Variants in MIS18BP1 observed in about 807,000 individuals in gnomAD.
The protein encoded by MIS18BP1 is mis18-binding protein 1.
In MIS18BP1, 72 loss-of-function variants were observed where a neutral mutation model predicts 116.1. The ratio of observed to expected loss-of-function variants is 0.62; its 90% confidence interval spans 0.51 to 0.75. MIS18BP1 has a LOEUF of 0.75. Ranked by LOEUF, MIS18BP1 falls within the 30% of genes least tolerant of loss-of-function variation. The pLI is 0.00. For missense variants in MIS18BP1, 1,363 were observed against 1,303.2 expected (o/e 1.05, Z -0.71); for synonymous variants, 386 against 427.0 (o/e 0.90, Z 1.18).
rs977209484 is a variant in MIS18BP1 at position 45,242,935 on chromosome 14, CA to C, written c.545-62del. On this transcript the variant is annotated intron_variant, in intron 2 of 16. Coordinates refer to ENST00000310806, the MANE Select transcript of MIS18BP1 (RefSeq NM_018353.5). Reference sequence around the variant, plus strand: ...ATTGTATTAGTCACTAAGAAAAAAACAGCTTTTAAAATTCTTGAAATAAAGA... The same window carrying C: ...ATTGTATTAGTCACTAAGAAAAAAACGCTTTTAAAATTCTTGAAATAAAGA... 4.0e-5 allele frequency: 45 copies of C among 1,135,596 alleles called. No individual in the cohort carries two copies. In the African/African-American group the frequency reaches 4.8e-4, roughly 12 times the overall value. 70.3% of individuals were successfully genotyped at this position (1,135,596 alleles called of 1,614,324 possible).
rs765033589 is a variant in MIS18BP1, at chr14:45,218,309, T to G, written c.2815A>C (p.Lys939Gln). The G allele has an allele frequency of 4.8e-5, 78 of 1,613,890 alleles. No homozygotes were observed. The highest frequency in any genetic ancestry group is 2.7e-4 in the East Asian group (12 of 44,874). Reference sequence around the variant, plus strand: ...TTTTGGCCTTTGGAATTGGCTGGCTTCTTCTTAGTGACATGTTTCTGGGAT... The same window carrying G: ...TTTTGGCCTTTGGAATTGGCTGGCTGCTTCTTAGTGACATGTTTCTGGGAT... Reference protein sequence around the residue: ...KGSQKHVTKKKPANSKGQNGK... With the variant: ...KGSQKHVTKKQPANSKGQNGK... The change falls in exon 12 of 17, where the codon AAG (lysine) becomes CAG (glutamine). Residue 939 changes from lysine (K) to glutamine (Q), a missense_variant. Coordinates refer to ENST00000310806, the MANE Select transcript of MIS18BP1 (RefSeq NM_018353.5).
chr14:45,244,184 T>C (rs1891665444), intron 2 of MIS18BP1, among the ~76,000 whole-genome samples: 2 of 152,198 alleles, frequency 1.3e-5, no homozygotes, highest in African/African-American at 4.8e-5. Flanking sequence ...ATCAGCTTAT[T>C]ACTTGCTACC....
chr14:45,221,752 A>G (rs913105960), intron 11 of MIS18BP1, among the ~76,000 whole-genome samples: 1 of 152,232 alleles, frequency 6.6e-6, no homozygotes, highest in African/African-American at 2.4e-5. Context: ...AATGTGAATC[A>G]TACGAATGAC....
Position 45,231,060 on chromosome 14 carries a change from T to C in MIS18BP1, c.1594+81A>G. ...TACTATACTATACACATTACTACTA[T>C]ACACATTATAAACCATAAACAATGT... On this transcript the variant is annotated intron_variant, in intron 8 of 16. Coordinates refer to ENST00000310806, the MANE Select transcript of MIS18BP1 (RefSeq NM_018353.5). The C allele has an allele frequency of 3.5e-6, 5 of 1,442,122 alleles. No individual in the cohort carries two copies. In the South Asian group the frequency reaches 4.0e-5, roughly 11 times the overall value. The allele number at this position is 1,442,122 out of a possible 1,614,324, so 89.3% of individuals were successfully genotyped here. A position where few individuals can be genotyped will look rare whatever the true frequency, so the allele number is the denominator to read the frequency against.
intron 8 of MIS18BP1, among the ~76,000 whole-genome samples, chr14:45,228,507 A>G (rs1891187560): frequency 6.6e-6 from 1 of 152,212 alleles, no homozygotes; most frequent in South Asian, 2.1e-4. Flanking sequence ...TTATGTTTCA[A>G]CTAGTTTATG....
In MIS18BP1 at chr14:45,204,158, A is replaced by G. The variant is rs886634594; in HGVS notation, c.3350T>C (p.Leu1117Ser). 1.1e-5 allele frequency: 17 copies of G among 1,611,696 alleles called. No homozygotes were observed. Among genetic ancestry groups the G allele is most frequent in the Middle Eastern group, 3.3e-4 (2 of 6,062 alleles). ...GKLFTNAVES[L>S]DEEEKDYYFS... ...ATAATAATCTTTCTCTTCTTCATCT[A>G]AAGATTCCACAGCATTAGTGAAAAG... is the stretch of plus-strand genomic sequence containing the variant. The change falls in exon 17 of 17, where the codon TTA becomes TCA. Residue 1117 changes from leucine to serine, a missense_variant. Coordinates refer to ENST00000310806, the MANE Select transcript of MIS18BP1 (RefSeq NM_018353.5).
chr14:45,223,065 CAAAAA>C (rs1220575905), intron 11 of MIS18BP1, among the ~76,000 whole-genome samples: 2 of 148,964 alleles, frequency 1.3e-5, no homozygotes, highest in African/African-American at 2.5e-5. Flanking sequence ...AGAGAAAAGA[CAAAAA>C]CAAAACAAAA....
At chr14:45,211,425 G>A (rs1400210035) in intron 13 of MIS18BP1, among the ~76,000 whole-genome samples, 1 of 152,192 alleles carries the variant, frequency 6.6e-6, no homozygotes, top group Non-Finnish European at 1.5e-5. Flanking sequence ...AAGATAAGCT[G>A]TTGGAGCAGA....
intron 11 of MIS18BP1, among the ~76,000 whole-genome samples, chr14:45,221,638 A>G (rs1363336195): frequency 6.6e-6 from 1 of 152,154 alleles, no homozygotes; most frequent in Non-Finnish European, 1.5e-5. Context: ...GATTTCAGCT[A>G]TTTTAAATCT....
At chr14:45,245,977 C>T (rs1891712352) in intron 2 of MIS18BP1, among the ~76,000 whole-genome samples, 2 of 152,186 alleles carry the variant, frequency 1.3e-5, no homozygotes, top group African/African-American at 4.8e-5. Flanking sequence ...TAGAGTCCAG[C>T]CATTTACCAT....
intron 1 of MIS18BP1, among the ~76,000 whole-genome samples, chr14:45,247,832 G>T (rs569318277): frequency 6.6e-6 from 1 of 152,162 alleles, no homozygotes; most frequent in Non-Finnish European, 1.5e-5. Context: ...GCAACTACAA[G>T]ATCTATTCTA....
Position 45,224,483 on chromosome 14 carries a change from T to C in MIS18BP1, c.2104A>G (p.Thr702Ala). The change falls in exon 11 of 17, where the codon ACA (threonine) becomes GCA (alanine). Residue 702 changes from threonine to alanine, a missense_variant. Coordinates refer to ENST00000310806, the MANE Select transcript of MIS18BP1 (RefSeq NM_018353.5). ...ISKSMGTLENTFEGHKSKNKE... is the reference protein window; with the variant it reads ...ISKSMGTLENAFEGHKSKNKE... ...TTTTTACTTTTATGACCTTCAAATGTATTTTCTAAAGTCCCCATGGACTTG... is the reference window on the plus strand; with the variant it reads ...TTTTTACTTTTATGACCTTCAAATGCATTTTCTAAAGTCCCCATGGACTTG... 6.2e-7 allele frequency: 1 copy of C among 1,613,872 alleles called. No homozygotes were observed. The highest frequency in any genetic ancestry group is 8.5e-7 in the Non-Finnish European group (1 of 1,179,944).
chr14:45,249,825 C>T (rs898362952), intron 1 of MIS18BP1, among the ~76,000 whole-genome samples: 6 of 152,098 alleles, frequency 3.9e-5, no homozygotes, highest in Non-Finnish European at 7.4e-5. Flanking sequence ...GAGCTGAGAT[C>T]GCACCACCAC....
At position 45,224,077 on chromosome 14, in the gene MIS18BP1, G is replaced by C. The variant is rs1332926567; in HGVS notation, c.2510C>G (p.Pro837Arg). 6.2e-7 allele frequency: 1 copy of C among 1,612,172 alleles called. No individual in the cohort carries two copies. Among genetic ancestry groups the C allele is most frequent in the Non-Finnish European group, 8.5e-7 (1 of 1,179,700 alleles). Residue 837 changes from proline to arginine, a missense_variant, in exon 11 of 17, where the codon CCT becomes CGT. By Grantham distance (103) the Pro-to-Arg change is moderately radical. Coordinates refer to ENST00000310806, the MANE Select transcript of MIS18BP1 (RefSeq NM_018353.5). ...EFYIKQKKAR[P>R]SVKETLQKSG... ...CTTCTGAAGAGTTTCTTTGACGGAAGGTCTAGCTTTCTTTTGTTTGATATA... is the reference window on the plus strand; with the variant it reads ...CTTCTGAAGAGTTTCTTTGACGGAACGTCTAGCTTTCTTTTGTTTGATATA...
At position 45,224,445 on chromosome 14, in the gene MIS18BP1, G is replaced by A. The variant is rs35223850; in HGVS notation, c.2142C>T (p.Cys714=). 89,149 of 1,613,554 alleles carry A rather than the reference G, an allele frequency of 0.055. 2,810 individuals are homozygous for A. Among genetic ancestry groups the A allele is most frequent in the Non-Finnish European group, 0.062 (73,474 of 1,179,810 alleles). ...TGACAGTAAGTAAGTCACGTTCATC[G>A]CAATCTTCCTTGTTTTTACTTTTAT... ...EGHKSKNKED[C]DERDLLTVNR... The change falls in exon 11 of 17, where the codon TGC becomes TGT. Residue 714 remains cysteine, a synonymous_variant. Transcript: ENST00000310806.
At chr14:45,252,159 C>T (rs1201789805) in intron 1 of MIS18BP1, among the ~76,000 whole-genome samples, 1 of 152,134 alleles carries the variant, frequency 6.6e-6, no homozygotes, top group African/African-American at 2.4e-5. Flanking sequence ...TCCATAGCTT[C>T]AGTTATTTAC....
chr14:45,241,753 C>A, intron 4 of MIS18BP1: 1 of 251,464 alleles, frequency 4.0e-6, no homozygotes. Flanking sequence ...ATGTTCATCA[C>A]CAAAAGGAAC....
At chr14:45,249,134 C>T (rs527398544) in intron 1 of MIS18BP1, among the ~76,000 whole-genome samples, 1 of 152,110 alleles carries the variant, frequency 6.6e-6, no homozygotes, top group South Asian at 2.1e-4. Flanking sequence ...CTCTGTTGCC[C>T]AGGCTGGAGT....
At chr14:45,213,469 A>G (rs1403915895) in intron 13 of MIS18BP1, among the ~76,000 whole-genome samples, 2 of 152,216 alleles carry the variant, frequency 1.3e-5, no homozygotes, top group Non-Finnish European at 2.9e-5. Context: ...AAACAGAGAT[A>G]ATAACACCTA....
Sources: allele counts gnomAD v4.1 joint callset (sites outside exome capture counted in the v4.1 genomes callset), GRCh38; gene constraint gnomAD v4.1.1; transcripts MANE v1.5; gene names NCBI Gene and HGNC (gene_info 2026-07-23, HGNC 2026-07-21).